The following CTNNA3 variants were observed in gnomAD, a reference collection of about 807,000 sequenced individuals.
CTNNA3 encodes the protein catenin alpha 3.
In CTNNA3, 76 loss-of-function variants were observed where a neutral mutation model predicts 95.7. The ratio of observed to expected loss-of-function variants is 0.79; its 90% CI spans 0.66 to 0.96. CTNNA3 has a LOEUF of 0.96. Among genes scored for constraint, CTNNA3 ranks in the 40% least tolerant of loss-of-function variants. The probability of loss-of-function intolerance (pLI) is 0.00; values close to 1 mark genes in which losing one functional copy is unlikely to be tolerated. For synonymous variants in CTNNA3, 431 were observed against 374.4 expected (o/e 1.15, Z -1.74); for missense variants, 1,191 against 1,089.8 (o/e 1.09, Z -1.31).
chr10:66,609,892 A>G (rs1383958344), intron 10 of CTNNA3, among the ~76,000 whole-genome samples: 1 of 152,212 alleles, frequency 6.6e-6, no homozygotes, highest in Non-Finnish European at 1.5e-5. Flanking sequence ...AATGTGGTAC[A>G]TATACACCAT....
intron 6 of CTNNA3, among the ~76,000 whole-genome samples, chr10:67,198,240 T>C (rs888297082): frequency 2.6e-5 from 4 of 152,182 alleles, no homozygotes; most frequent in Non-Finnish European, 5.9e-5. Context: ...TTTAGGTATC[T>C]AGGTGGTTGA....
At chr10:66,921,703 A>G (rs762146856) in intron 7 of CTNNA3, among the ~76,000 whole-genome samples, 39 of 151,968 alleles carry the variant, frequency 2.6e-4, no homozygotes, top group Non-Finnish European at 4.4e-4. Context: ...AACTCAGCCC[A>G]CCTCATACCT....
intron 9 of CTNNA3, among the ~76,000 whole-genome samples, chr10:66,679,401 T>G (rs1846985527): frequency 6.6e-6 from 1 of 152,160 alleles, no homozygotes; most frequent in Admixed American, 6.5e-5. Flanking sequence ...AAACAAGAAT[T>G]CAGATTTAAA....
intron 7 of CTNNA3, among the ~76,000 whole-genome samples, chr10:67,024,222 T>C (rs768310750): frequency 3.9e-5 from 6 of 152,214 alleles, no homozygotes; most frequent in Non-Finnish European, 7.3e-5. Context: ...AAGCCAGCAA[T>C]GTGGCATCTT....
intron 7 of CTNNA3, among the ~76,000 whole-genome samples, chr10:66,987,050 G>A (rs1850769141): frequency 6.6e-6 from 1 of 152,082 alleles, no homozygotes; most frequent in African/African-American, 2.4e-5. Context: ...AGATTTTCTG[G>A]AGAGAAAGAA....
At chr10:67,748,000 T>C (rs556458315) in intron 1 of CTNNA3, among the ~76,000 whole-genome samples, 2 of 152,250 alleles carry the variant, frequency 1.3e-5, no homozygotes, top group South Asian at 2.1e-4. Context: ...GAAGAAAGAA[T>C]ATCAGAGCTT....
intron 17 of CTNNA3, among the ~76,000 whole-genome samples, chr10:65,921,223 A>C (rs528881638): frequency 6.6e-6 from 1 of 152,336 alleles, no homozygotes; most frequent in East Asian, 1.9e-4. Context: ...GGTGGAGTTT[A>C]GCAACAATAA....
intron 9 of CTNNA3, among the ~76,000 whole-genome samples, chr10:66,643,928 C>T (rs979918730): frequency 2.0e-5 from 3 of 152,046 alleles, no homozygotes; most frequent in African/African-American, 7.2e-5. Flanking sequence ...AACATTTCAG[C>T]TGTGCCACAA....
At chr10:67,103,142 G>C (rs1386673019) in intron 7 of CTNNA3, among the ~76,000 whole-genome samples, 1 of 151,720 alleles carries the variant, frequency 6.6e-6, no homozygotes, top group Non-Finnish European at 1.5e-5. Context: ...ACTAATGCAT[G>C]CTAAGTTTTG....
intron 13 of CTNNA3, among the ~76,000 whole-genome samples, chr10:66,202,698 A>C (rs1330638716): frequency 6.6e-6 from 1 of 151,998 alleles, no homozygotes; most frequent in Non-Finnish European, 1.5e-5. Flanking sequence ...TTATTTGACT[A>C]TTTTGTGCTG....
intron 5 of CTNNA3, among the ~76,000 whole-genome samples, chr10:67,500,664 G>T (rs998164580): frequency 1.3e-5 from 2 of 152,134 alleles, no homozygotes; most frequent in Non-Finnish European, 2.9e-5. Context: ...CACGTTGATT[G>T]CTTTACCATT....
intron 15 of CTNNA3, among the ~76,000 whole-genome samples, chr10:66,048,367 C>G (rs2079874240): frequency 6.6e-6 from 1 of 152,092 alleles, no homozygotes; most frequent in South Asian, 2.1e-4. Flanking sequence ...CAAAAATAAG[C>G]AATGGGGGAA....
intron 13 of CTNNA3, among the ~76,000 whole-genome samples, chr10:66,196,452 A>G (rs2086963457): frequency 6.6e-6 from 1 of 152,188 alleles, no homozygotes; most frequent in African/African-American, 2.4e-5. Context: ...AGAGGACATC[A>G]CGTCTTTAGG....
At chr10:66,486,727 G>T (rs1487241323) in intron 11 of CTNNA3, among the ~76,000 whole-genome samples, 1 of 152,034 alleles carries the variant, frequency 6.6e-6, no homozygotes, top group Non-Finnish European at 1.5e-5. Context: ...ATTTTAAAGA[G>T]AAATCTGAAC....
chr10:66,990,608 G>A (rs1431164279), intron 7 of CTNNA3, among the ~76,000 whole-genome samples: 1 of 152,112 alleles, frequency 6.6e-6, no homozygotes, highest in Non-Finnish European at 1.5e-5. Flanking sequence ...GAGGTCAAAT[G>A]TTGCTCAAGA....
At chr10:66,737,686 A>G (rs1589192649) in intron 9 of CTNNA3, among the ~76,000 whole-genome samples, 1 of 149,270 alleles carries the variant, frequency 6.7e-6, no homozygotes, top group East Asian at 2.0e-4. Flanking sequence ...TTTGAGATGG[A>G]GTCTCGCTCT....
At chr10:66,694,404 G>A (rs962898850) in intron 9 of CTNNA3, among the ~76,000 whole-genome samples, 13 of 152,162 alleles carry the variant, frequency 8.5e-5, no homozygotes, top group East Asian at 7.7e-4. Context: ...CTCCCAAGAC[G>A]AAACCAAGAA....
At chr10:67,199,343 A>AG (rs1158704779) in intron 6 of CTNNA3, among the ~76,000 whole-genome samples, 1 of 119,064 alleles carries the variant, frequency 8.4e-6, no homozygotes, top group Non-Finnish European at 1.6e-5. Flanking sequence ...AATGGCTACA[A>AG]GTTTTTTTTG....
At chr10:66,952,867 G>A (rs549051340) in intron 7 of CTNNA3, among the ~76,000 whole-genome samples, 11 of 151,992 alleles carry the variant, frequency 7.2e-5, no homozygotes, top group Non-Finnish European at 1.2e-4. Context: ...ACAAAAACAG[G>A]TTCTTCCCTG....
Sources: gnomAD v4.1 joint callset for allele counts (sites outside exome capture counted in the v4.1 genomes callset) on GRCh38, gnomAD v4.1.1 for gene constraint, MANE v1.5 for transcripts, NCBI Gene and HGNC (gene_info 2026-07-23, HGNC 2026-07-21) for gene names.